The following MIIP variants were observed in gnomAD, a reference collection of about 807,000 sequenced individuals.
The protein encoded by MIIP is migration and invasion-inhibitory protein.
In MIIP, 44 loss-of-function variants were observed where a neutral mutation model predicts 44.8. The observed-to-expected ratio is 0.98, with a 90% CI of 0.77 to 1.26. The LOEUF (loss-of-function observed/expected upper bound fraction) is 1.26. MIIP is among the 50% of genes most tolerant of loss of function. The pLI is 0.00. For synonymous variants in MIIP, 225 were observed against 218.3 expected (o/e 1.03, Z -0.27); for missense variants, 496 against 511.7 (o/e 0.97, Z 0.30).
At chr1:12,021,892 C>A in intron 2 of MIIP, 52 bp downstream of exon 2, 1 of 1,444,908 alleles carries the variant, frequency 6.9e-7, no homozygotes, top group Non-Finnish European at 9.3e-7. Flanking sequence ...GACCTTCAGG[C>A]CAGCATCCAG....
intron 6 of MIIP, 77 bp downstream of exon 6, chr1:12,029,358 C>G (rs1408494733): frequency 3.4e-6 from 5 of 1,470,052 alleles, no homozygotes; most frequent in Non-Finnish European, 4.7e-6. Context: ...CCAGAGCAGT[C>G]CCATTTGAGG....
chr1:12,031,533 C>T, intron 9 of MIIP, 130 bp downstream of exon 9: 8 of 1,564,970 alleles, frequency 5.1e-6, no homozygotes, highest in African/African-American at 4.1e-5. Flanking sequence ...GGGAGTGTCT[C>T]TCTGCAGGGT....
chr1:12,021,673 C>T lies in MIIP; in HGVS notation c.-54C>T. ...GAAGAGCTGGGCCTGGAACCCAGCC[C>T]TGAGGACATCCTGCGGCCCAGGGGC... On this transcript the variant is annotated 5_prime_UTR_variant, in exon 2 of 10. Transcript: ENST00000235332. The T allele has an allele frequency of 6.5e-7, 1 of 1,529,886 alleles. No homozygotes were observed. 94.8% of individuals were successfully genotyped at this position (1,529,886 alleles called of 1,614,324 possible).
Position 12,031,733 on chromosome 1 carries a change from G to A in MIIP, c.1092G>A (p.Met364Ile). 1 of 1,614,084 alleles carries A rather than the reference G, an allele frequency of 6.2e-7. No homozygotes were observed. The highest frequency in any genetic ancestry group is 8.5e-7 in the Non-Finnish European group (1 of 1,179,990). Residue 364 changes from methionine to isoleucine, a missense_variant, in exon 10 of 10, where the codon ATG (methionine) becomes ATA (isoleucine). Coordinates refer to ENST00000235332, the MANE Select transcript of MIIP (RefSeq NM_021933.4). ...TSSPFHPASP[M>I]QMLPPTPTWS... ...TATTCCCCATCCAGGCCTCACCAAT[G>A]CAGATGCTGCCCCCGACCCCGACCT...
In MIIP at chr1:12,028,388, C is replaced by T. The variant is rs75550394; in HGVS notation, c.548-645C>T. Among the ~76,000 whole-genome samples the T allele has an allele frequency of 2.3e-3, 353 of 152,260 alleles. 7 individuals are homozygous for T. In the East Asian group the frequency reaches 0.041, roughly 18 times the overall value. On this transcript the variant is annotated intron_variant, in intron 4 of 9. Coordinates refer to ENST00000235332, the MANE Select transcript of MIIP (RefSeq NM_021933.4). ...GTCCCTCCCATTCCCCAGACCCTCC[C>T]TGGGCTTCTTAACCTCATCTCCTCC...
At chr1:12,024,858 T>G (rs1379712282) in intron 4 of MIIP, among the ~76,000 whole-genome samples, 1 of 152,098 alleles carries the variant, frequency 6.6e-6, no homozygotes, top group East Asian at 1.9e-4. Flanking sequence ...TCCCCCTCCC[T>G]CCAGCCCTGG....
chr1:12,022,387 C>A lies in MIIP; in HGVS notation c.407C>A (p.Pro136His), dbSNP rs535002460. 1 of 1,609,064 alleles carries A rather than the reference C, an allele frequency of 6.2e-7. No homozygotes were observed. Among genetic ancestry groups the A allele is most frequent in the Non-Finnish European group, 8.5e-7 (1 of 1,178,290 alleles). The change falls in exon 3 of 10, where the codon CCC (proline) becomes CAC (histidine). Residue 136 changes from proline (P) to histidine (H), a missense_variant. Transcript: ENST00000235332. ...TCAGGGAGGCTGGGTGATCCAGGACCCCAGGAGGCACAGACCCCGAGGTCC... is the reference window on the plus strand; with the variant it reads ...TCAGGGAGGCTGGGTGATCCAGGACACCAGGAGGCACAGACCCCGAGGTCC... ...EPSGRLGDPG[P>H]QEAQTPRSIL...
chr1:12,024,711 A>T (rs1015325658), intron 4 of MIIP, among the ~76,000 whole-genome samples: 1 of 152,142 alleles, frequency 6.6e-6, no homozygotes. Flanking sequence ...GCTCCCAGCC[A>T]CATGTAGCGT....
rs762314582 is a variant in MIIP at position 12,031,779 on chromosome 1, C to T, written c.1138C>T (p.Arg380Trp). 53 of 1,613,874 alleles carry T rather than the reference C, an allele frequency of 3.3e-5. No individual in the cohort carries two copies. The highest frequency in any genetic ancestry group is 5.5e-5 in the South Asian group (5 of 91,082). Reference protein sequence around the residue: ...TPTWSVPQVPRPHVPRQKP With the variant: ...TPTWSVPQVPWPHVPRQKP The stretch of plus-strand genomic sequence containing the variant: ...GACCTGGTCAGTGCCCCAGGTCCCT[C>T]GGCCCCACGTCCCACGGCAGAAGCC... Residue 380 changes from arginine to tryptophan, a missense_variant, in exon 10 of 10, where the codon CGG (arginine) becomes TGG (tryptophan). Arg to Trp is a moderately radical substitution (Grantham distance 101, BLOSUM62 -3). Coordinates refer to ENST00000235332, the MANE Select transcript of MIIP (RefSeq NM_021933.4).
intron 4 of MIIP, 38 bp downstream of exon 4, chr1:12,022,955 G>T (rs777763796): frequency 9.8e-6 from 15 of 1,537,342 alleles, no homozygotes; most frequent in South Asian, 3.5e-5. Context: ...CTTTGCCTGG[G>T]AGTGGGAGGT....
chr1:12,022,187 C>G lies in MIIP; in HGVS notation c.207C>G (p.Gly69=). 1.2e-6 allele frequency: 2 copies of G among 1,613,550 alleles called. No homozygotes were observed. The highest frequency in any genetic ancestry group is 1.7e-6 in the Non-Finnish European group (2 of 1,179,760). The change falls in exon 3 of 10, where the codon GGC becomes GGG. Residue 69 remains glycine, a synonymous_variant. Coordinates refer to ENST00000235332, the MANE Select transcript of MIIP (RefSeq NM_021933.4). ...STSLSTSCPR[G]RSSVWGPPDA... ...CCTTGAGCACCTCCTGCCCACGGGG[C>G]CGGTCCTCCGTGTGGGGCCCACCAG...
chr1:12,021,928 C>T (rs1639984739), intron 2 of MIIP, 88 bp downstream of exon 2: 2 of 1,275,400 alleles, frequency 1.6e-6, no homozygotes, highest in Non-Finnish European at 2.2e-6. Context: ...TTGTTCAATA[C>T]ACCCATTTTA....
chr1:12,026,275 A>T (rs1640103692), intron 4 of MIIP, among the ~76,000 whole-genome samples: 1 of 152,152 alleles, frequency 6.6e-6, no homozygotes, highest in Non-Finnish European at 1.5e-5. Context: ...ACTGCACTCT[A>T]ACCCGGGCGA....
chr1:12,030,542 T>C (rs1346144631), intron 8 of MIIP, among the ~76,000 whole-genome samples: 1 of 136,798 alleles, frequency 7.3e-6, no homozygotes, highest in African/African-American at 2.7e-5. Flanking sequence ...TAGGTCTCTG[T>C]GCTGCTGCTG....
At chr1:12,021,038 G>A (rs1247223712) in intron 1 of MIIP, among the ~76,000 whole-genome samples, 3 of 151,902 alleles carry the variant, frequency 2.0e-5, no homozygotes, top group Non-Finnish European at 2.9e-5. Flanking sequence ...TGGGTCTCCT[G>A]GGCTAAAGCT....
intron 4 of MIIP, among the ~76,000 whole-genome samples, chr1:12,023,381 C>CTTTTTTATTTATTTATTTAT (rs1640027033): frequency 2.9e-5 from 4 of 140,092 alleles, no homozygotes; most frequent in African/African-American, 7.8e-5. Flanking sequence ...TCTTTGTTTT[C>CTTTTTTATTTATTTATTTAT]TTATTTATTT....
At position 12,031,874 on chromosome 1, in the gene MIIP, C is replaced by G. The variant is rs887680258; in HGVS notation, c.*66C>G. The G allele has an allele frequency of 3.3e-6, 5 of 1,497,120 alleles. No homozygotes were observed. The African/African-American group carries it at 6.9e-5, about 21-fold the overall frequency. The allele number at this position is 1,497,120 out of a possible 1,614,324, so 92.7% of individuals were successfully genotyped here. On this transcript the variant is annotated 3_prime_UTR_variant, in exon 10 of 10. Coordinates refer to ENST00000235332, the MANE Select transcript of MIIP (RefSeq NM_021933.4). ...AGCCTCTCCCCTCTGGCAGGCGCACCCAGGAGATGGAATCCCCTGCCCGCC... is the reference window on the plus strand; with the variant it reads ...AGCCTCTCCCCTCTGGCAGGCGCACGCAGGAGATGGAATCCCCTGCCCGCC...
chr1:12,031,281 T>G lies in MIIP; in HGVS notation c.958T>G (p.Trp320Gly). The G allele has an allele frequency of 1.2e-6, 2 of 1,613,880 alleles. No individual in the cohort carries two copies. The highest frequency in any genetic ancestry group is 1.7e-6 in the Non-Finnish European group (2 of 1,179,860). ...CCTTCCACAGCACTGCCTGCTGGGC[T>G]GGGACATTTTTCCTCCGAAGTCTGA... ...LALPRHCLLG[W>G]DIFPPKSEKS... Residue 320 changes from tryptophan (W) to glycine (G), a missense_variant, in exon 9 of 10, where the codon TGG becomes GGG. Trp to Gly is a radical substitution (Grantham distance 184). Transcript: ENST00000235332.
At position 12,031,777 on chromosome 1, in the gene MIIP, C is replaced by T; in HGVS notation, c.1136C>T (p.Pro379Leu). The T allele has an allele frequency of 6.2e-7, 1 of 1,614,004 alleles. No homozygotes were observed. Among genetic ancestry groups the T allele is most frequent in the Non-Finnish European group, 8.5e-7 (1 of 1,179,956 alleles). ...PTPTWSVPQV[P>L]RPHVPRQKP ...CCGACCTGGTCAGTGCCCCAGGTCC[C>T]TCGGCCCCACGTCCCACGGCAGAAG... The change falls in exon 10 of 10, where the codon CCT (proline) becomes CTT (leucine). Residue 379 changes from proline to leucine, a missense_variant. Pro to Leu is a moderately conservative substitution (Grantham distance 98, BLOSUM62 -3). Transcript: ENST00000235332.
Sources: gnomAD v4.1 joint callset for allele counts (sites outside exome capture counted in the v4.1 genomes callset) on GRCh38, gnomAD v4.1.1 for gene constraint, MANE v1.5 for transcripts, NCBI Gene and HGNC (gene_info 2026-07-23, HGNC 2026-07-21) for gene names.